The following LRRTM4 variants were observed in gnomAD, a reference collection of about 807,000 sequenced individuals.
LRRTM4 encodes the protein leucine rich repeat transmembrane neuronal 4.
Under a neutral mutation model 47.6 loss-of-function variants are expected in LRRTM4, and 25 were observed. The ratio of observed to expected loss-of-function variants is 0.53; its 90% confidence interval spans 0.38 to 0.73. LRRTM4 has a LOEUF of 0.73. Ranked by LOEUF, LRRTM4 falls within the 30% of genes least tolerant of loss-of-function variation. The pLI is 0.00. For synonymous variants in LRRTM4, 311 were observed against 269.5 expected (o/e 1.15, Z -1.51); for missense variants, 638 against 713.4 (o/e 0.89, Z 1.20).
intron 3 of LRRTM4, among the ~76,000 whole-genome samples, chr2:76,892,383 CATAA>C (rs1673282933): frequency 6.6e-6 from 1 of 151,624 alleles, no homozygotes; most frequent in Non-Finnish European, 1.5e-5. Flanking sequence ...ATATGAACAA[CATAA>C]ATAATTACTA....
At chr2:77,430,137 T>C (rs1675306248) in intron 3 of LRRTM4, among the ~76,000 whole-genome samples, 1 of 152,118 alleles carries the variant, frequency 6.6e-6, no homozygotes, top group South Asian at 2.1e-4. Context: ...TCTTGAAACA[T>C]GCAAGAATGG....
chr2:77,102,728 T>C (rs1210462161), intron 3 of LRRTM4, among the ~76,000 whole-genome samples: 7 of 152,180 alleles, frequency 4.6e-5, no homozygotes, highest in Non-Finnish European at 8.8e-5. Flanking sequence ...GGCTGACTCA[T>C]GAAATTCTCA....
chr2:76,912,430 G>T (rs886638568), intron 3 of LRRTM4, among the ~76,000 whole-genome samples: 1 of 152,054 alleles, frequency 6.6e-6, no homozygotes, highest in African/African-American at 2.4e-5. Flanking sequence ...AATAGTGCTT[G>T]GATAAGTCTC....
intron 3 of LRRTM4, among the ~76,000 whole-genome samples, chr2:76,955,321 T>C (rs1043759056): frequency 6.6e-5 from 10 of 151,798 alleles, no homozygotes; most frequent in African/African-American, 2.4e-4. Context: ...GTGACATCAA[T>C]GTAAAAAAGT....
intron 2 of LRRTM4, among the ~76,000 whole-genome samples, chr2:77,520,425 C>T (rs1268947178): frequency 6.6e-6 from 1 of 152,008 alleles, no homozygotes; most frequent in African/African-American, 2.4e-5. Context: ...TCTGAAAAAA[C>T]AGCATTGAGA....
chr2:76,788,365 T>C (rs1200203751), intron 3 of LRRTM4, among the ~76,000 whole-genome samples: 1 of 152,162 alleles, frequency 6.6e-6, no homozygotes, highest in Non-Finnish European at 1.5e-5. Context: ...TCAGAAATTG[T>C]AAAATTATGA....
intron 3 of LRRTM4, among the ~76,000 whole-genome samples, chr2:76,946,781 C>T (rs1434808733): frequency 2.0e-5 from 3 of 151,948 alleles, no homozygotes; most frequent in Non-Finnish European, 4.4e-5. Flanking sequence ...AATTATACAA[C>T]ATTAAAAAGT....
At chr2:77,075,156 A>G (rs139956655) in intron 3 of LRRTM4, among the ~76,000 whole-genome samples, 10 of 152,322 alleles carry the variant, frequency 6.6e-5, no homozygotes, top group African/African-American at 2.4e-4. Flanking sequence ...ATACCTGGTA[A>G]CTTTGAAGAT....
chr2:76,881,510 T>C (rs1200066574), intron 3 of LRRTM4, among the ~76,000 whole-genome samples: 6 of 151,810 alleles, frequency 4.0e-5, no homozygotes, highest in Non-Finnish European at 8.8e-5. Context: ...TTGCAATCTC[T>C]TGTGCTTTAT....
intron 3 of LRRTM4, among the ~76,000 whole-genome samples, chr2:76,782,822 A>T (rs761873269): frequency 2.5e-4 from 38 of 152,232 alleles, no homozygotes; most frequent in African/African-American, 9.2e-4. Flanking sequence ...AACACCTACA[A>T]GTACATTACA....
chr2:77,011,852 A>G (rs529627640), intron 3 of LRRTM4, among the ~76,000 whole-genome samples: 1 of 152,094 alleles, frequency 6.6e-6, no homozygotes, highest in South Asian at 2.1e-4. Context: ...GAGATTGTGT[A>G]AATTTACTGG....
At chr2:76,778,120 A>G (rs1674139117) in intron 3 of LRRTM4, among the ~76,000 whole-genome samples, 2 of 145,724 alleles carry the variant, frequency 1.4e-5, no homozygotes, top group Admixed American at 1.4e-4. Context: ...CCACTTGATC[A>G]TGGTGGATAA....
intron 3 of LRRTM4, among the ~76,000 whole-genome samples, chr2:77,499,154 G>A (rs1388326705): frequency 6.6e-6 from 1 of 151,884 alleles, no homozygotes; most frequent in Non-Finnish European, 1.5e-5. Context: ...TGGTTGTCAT[G>A]ATTGGCATGC....
intron 3 of LRRTM4, chr2:77,517,223 T>G: frequency 1.0e-6 from 1 of 985,038 alleles, no homozygotes; most frequent in Non-Finnish European, 1.2e-6. Context: ...AGTGATCTTT[T>G]AAATTAAATA....
chr2:77,106,694 G>A (rs563768491), intron 3 of LRRTM4, among the ~76,000 whole-genome samples: 1 of 151,984 alleles, frequency 6.6e-6, no homozygotes, highest in East Asian at 1.9e-4. Context: ...TTCTTATTTA[G>A]CAAAACACAA....
At chr2:76,890,336 G>C (rs1287611084) in intron 3 of LRRTM4, among the ~76,000 whole-genome samples, 1 of 151,976 alleles carries the variant, frequency 6.6e-6, no homozygotes, top group Non-Finnish European at 1.5e-5. Context: ...ATGTGCCAAA[G>C]CTGAGAACAA....
chr2:77,058,839 C>G (rs1027559029), intron 3 of LRRTM4, among the ~76,000 whole-genome samples: 1 of 152,026 alleles, frequency 6.6e-6, no homozygotes, highest in East Asian at 1.9e-4. Context: ...TTATATCAAT[C>G]TAATATAGGT....
At chr2:77,134,496 A>G (rs1042717893) in intron 3 of LRRTM4, among the ~76,000 whole-genome samples, 50 of 152,166 alleles carry the variant, frequency 3.3e-4, no homozygotes, top group African/African-American at 1.2e-3. Flanking sequence ...TGTTAAATGC[A>G]TTTTCTCTAT....
chr2:76,887,124 TG>T (rs1673101776), intron 3 of LRRTM4, among the ~76,000 whole-genome samples: 1 of 151,544 alleles, frequency 6.6e-6, no homozygotes, highest in East Asian at 1.9e-4. Flanking sequence ...AAAGTGTAAA[TG>T]AAAAAAAACA....
Sources: allele counts gnomAD v4.1 joint callset (sites outside exome capture counted in the v4.1 genomes callset), GRCh38; gene constraint gnomAD v4.1.1; transcripts MANE v1.5; gene names NCBI Gene and HGNC (gene_info 2026-07-23, HGNC 2026-07-21).